The following TNR variants were observed in gnomAD, a reference collection of about 807,000 sequenced individuals.
TNR encodes the protein tenascin-R.
TNR carries 45 observed loss-of-function variants against 150.4 expected under a neutral mutation model. The ratio of observed to expected loss-of-function variants is 0.30; its 90% confidence interval spans 0.24 to 0.38. TNR has a LOEUF of 0.38. TNR is among the 10% of genes least tolerant of loss of function. The pLI is 1.00. For synonymous variants in TNR, 687 were observed against 678.4 expected (o/e 1.01, Z -0.20); for missense variants, 1,544 against 1,759.1 (o/e 0.88, Z 2.19).
chr1:175,683,096 C>T (rs1250081539), intron 1 of TNR, among the ~76,000 whole-genome samples: 6 of 152,100 alleles, frequency 3.9e-5, no homozygotes, highest in African/African-American at 1.4e-4. Flanking sequence ...CCTGCTTCCC[C>T]TTTTCTCTCC....
At chr1:175,692,897 T>C (rs922071423) in intron 1 of TNR, among the ~76,000 whole-genome samples, 1 of 152,202 alleles carries the variant, frequency 6.6e-6, no homozygotes, top group Non-Finnish European at 1.5e-5. Flanking sequence ...GGGAGAACCA[T>C]ATCAGTCCTG....
intron 1 of TNR, among the ~76,000 whole-genome samples, chr1:175,690,104 T>C (rs2101917424): frequency 6.6e-6 from 1 of 152,346 alleles, no homozygotes; most frequent in East Asian, 1.9e-4. Flanking sequence ...CAAGTTCATA[T>C]AGGAAGAACC....
intron 2 of TNR, among the ~76,000 whole-genome samples, chr1:175,522,123 T>G (rs912347387): frequency 8.6e-5 from 13 of 151,692 alleles, no homozygotes; most frequent in Admixed American, 1.3e-4. Flanking sequence ...CCACTTCTCC[T>G]TTTTTTTTCT....
intron 3 of TNR, among the ~76,000 whole-genome samples, chr1:175,405,012 G>A (rs571963508): frequency 7.2e-5 from 11 of 152,242 alleles, no homozygotes; most frequent in African/African-American, 2.2e-4. Flanking sequence ...CTACATCTGC[G>A]GGCCATCCAG....
intron 8 of TNR, among the ~76,000 whole-genome samples, chr1:175,385,168 G>A (rs889443747): frequency 1.3e-5 from 2 of 152,208 alleles, no homozygotes; most frequent in African/African-American, 2.4e-5. Flanking sequence ...AAGAGGATGA[G>A]ACTGAGAATC....
intron 2 of TNR, among the ~76,000 whole-genome samples, chr1:175,527,694 C>A (rs1327560631): frequency 6.6e-6 from 1 of 152,064 alleles, no homozygotes; most frequent in Non-Finnish European, 1.5e-5. Context: ...TCCTGTGGAC[C>A]ATTTTTTAGA....
intron 1 of TNR, among the ~76,000 whole-genome samples, chr1:175,739,945 C>T (rs533891326): frequency 5.3e-5 from 8 of 152,366 alleles, no homozygotes; most frequent in African/African-American, 1.9e-4. Context: ...TCTCTATGAA[C>T]TCCATCAAAT....
chr1:175,382,631 G>A (rs1652732426), intron 8 of TNR, among the ~76,000 whole-genome samples: 2 of 152,228 alleles, frequency 1.3e-5, no homozygotes, highest in South Asian at 4.1e-4. Flanking sequence ...TCTGGGCACG[G>A]TGGCTCACTC....
At chr1:175,679,302 G>A (rs17377728) in intron 1 of TNR, among the ~76,000 whole-genome samples, 13,825 of 152,264 alleles carry the variant, frequency 0.091, 682 homozygotes, top group Non-Finnish European at 0.11. Flanking sequence ...GCAGGCTCCT[G>A]GGCCAGACAG....
At chr1:175,437,678 A>G (rs1165837907) in intron 2 of TNR, among the ~76,000 whole-genome samples, 2 of 152,214 alleles carry the variant, frequency 1.3e-5, no homozygotes, top group African/African-American at 4.8e-5. Context: ...AGACGCAATA[A>G]AAAATGATAA....
chr1:175,679,521 C>G (rs1353623338), intron 1 of TNR, among the ~76,000 whole-genome samples: 2 of 152,222 alleles, frequency 1.3e-5, no homozygotes, highest in Non-Finnish European at 2.9e-5. Context: ...TGTGTCCACT[C>G]TATTATGAGA....
At chr1:175,415,696 T>G (rs957624880) in intron 2 of TNR, among the ~76,000 whole-genome samples, 7 of 152,228 alleles carry the variant, frequency 4.6e-5, no homozygotes, top group African/African-American at 1.4e-4. Context: ...CTTCTGGTCT[T>G]GTCCTGGGGT....
At chr1:175,405,332 T>C (rs1268430542) in intron 3 of TNR, among the ~76,000 whole-genome samples, 1 of 152,140 alleles carries the variant, frequency 6.6e-6, no homozygotes, top group Non-Finnish European at 1.5e-5. Context: ...TCTAGCACCA[T>C]TTGTAGATGA....
intron 2 of TNR, among the ~76,000 whole-genome samples, chr1:175,415,329 C>T (rs552350660): frequency 5.9e-5 from 9 of 152,270 alleles, no homozygotes; most frequent in African/African-American, 1.7e-4. Flanking sequence ...AGCTCCTCTC[C>T]ATCAGCGCTG....
intron 1 of TNR, among the ~76,000 whole-genome samples, chr1:175,724,915 A>C (rs1667437812): frequency 6.6e-6 from 1 of 152,136 alleles, no homozygotes; most frequent in Admixed American, 6.5e-5. Context: ...AACATAGAGC[A>C]GACCCTAGGG....
At chr1:175,654,458 C>T (rs556902616) in intron 1 of TNR, among the ~76,000 whole-genome samples, 4 of 152,250 alleles carry the variant, frequency 2.6e-5, no homozygotes, top group Admixed American at 6.5e-5. Flanking sequence ...GAGGTAACAT[C>T]GCGCTCTCCC....
chr1:175,347,612 G>T (rs994055710), intron 18 of TNR, among the ~76,000 whole-genome samples: 15 of 152,176 alleles, frequency 9.9e-5, no homozygotes, highest in Non-Finnish European at 1.8e-4. Context: ...ATTTTTAGTA[G>T]AGATGGGGTT....
At position 175,622,677 on chromosome 1, in the gene TNR, C is replaced by T. The variant is rs6664628; in HGVS notation, c.-164-94308G>A. Among the ~76,000 whole-genome samples the T allele has an allele frequency of 7.5e-3, 1,145 of 152,228 alleles. 10 individuals are homozygous for T. Among genetic ancestry groups the T allele is most frequent in the African/African-American group, 0.025 (1,047 of 41,528 alleles). On this transcript the variant is annotated intron_variant, in intron 1 of 22. Coordinates refer to ENST00000367674, the MANE Select transcript of TNR (RefSeq NM_003285.3). ...CTGTATTGGTTTCTTAAGGTTGTAA[C>T]GAAGTACAACAACTGAGTATCTTAA...
chr1:175,729,606 C>T (rs1667578617), intron 1 of TNR, among the ~76,000 whole-genome samples: 1 of 152,128 alleles, frequency 6.6e-6, no homozygotes, highest in Non-Finnish European at 1.5e-5. Flanking sequence ...TCCTTCCTCC[C>T]TCCCTCCCTT....
Sources: allele counts gnomAD v4.1 joint callset (sites outside exome capture counted in the v4.1 genomes callset), GRCh38; gene constraint gnomAD v4.1.1; transcripts MANE v1.5; gene names NCBI Gene and HGNC (gene_info 2026-07-23, HGNC 2026-07-21).